Variants in JPH2 observed in about 807,000 individuals in gnomAD.
JPH2 encodes the protein junctophilin-2.
A neutral mutation model predicts 55.9 loss-of-function variants in JPH2; 38 were observed. The observed-to-expected ratio is 0.68, with a 90% CI of 0.52 to 0.89. The LOEUF (loss-of-function observed/expected upper bound fraction) is 0.89, where lower values mean the gene tolerates loss of function less well. JPH2 is among the 40% of genes least tolerant of loss of function. JPH2 has a pLI of 0.00. For synonymous variants in JPH2, 480 were observed against 472.4 expected (o/e 1.02, Z -0.21); for missense variants, 964 against 1,037.6 (o/e 0.93, Z 0.97).
intron 2 of JPH2, among the ~76,000 whole-genome samples, chr20:44,119,648 C>T (rs1043223447): frequency 6.6e-6 from 1 of 152,018 alleles, no homozygotes; most frequent in East Asian, 1.9e-4. Flanking sequence ...CCAAGGCAGG[C>T]GGATCACGAG....
intron 1 of JPH2, among the ~76,000 whole-genome samples, chr20:44,170,890 CT>C (rs1454166549): frequency 6.6e-6 from 1 of 152,214 alleles, no homozygotes; most frequent in African/African-American, 2.4e-5. Context: ...TTAAATGACT[CT>C]CATGATGACG....
At chr20:44,138,520 TAC>T (rs2072433299) in intron 2 of JPH2, among the ~76,000 whole-genome samples, 3 of 152,008 alleles carry the variant, frequency 2.0e-5, no homozygotes, top group Non-Finnish European at 4.4e-5. Flanking sequence ...CACCTGGGAC[TAC>T]AGGTGAGCAC....
At position 44,159,559 on chromosome 20, in the gene JPH2, C is replaced by T. The variant is rs146277892; in HGVS notation, c.1169+59G>A. ...AGACAGGGCCTCCTAGGTTGCCCTGCCCCAGGACCCCCTTCTCCGAGGGGA... is the reference window on the plus strand; with the variant it reads ...AGACAGGGCCTCCTAGGTTGCCCTGTCCCAGGACCCCCTTCTCCGAGGGGA... On this transcript the variant is annotated intron_variant, in intron 2 of 5. Coordinates refer to ENST00000372980, the MANE Select transcript of JPH2 (RefSeq NM_020433.5). This position sits in a 1 kb window ranked among gnomAD's most constrained non-coding sequence, Gnocchi z 5.7. The T allele has an allele frequency of 1.6e-4, 242 of 1,529,158 alleles. 2 individuals are homozygous for T. In the East Asian group the frequency reaches 1.9e-3, roughly 12 times the overall value. 94.7% of individuals were successfully genotyped at this position (1,529,158 alleles called of 1,614,324 possible).
chr20:44,179,307 G>A (rs1172884072), intron 1 of JPH2, among the ~76,000 whole-genome samples: 1 of 152,082 alleles, frequency 6.6e-6, no homozygotes, highest in Admixed American at 6.5e-5. Context: ...GATGTGTATA[G>A]GTATAGAATT....
intron 2 of JPH2, among the ~76,000 whole-genome samples, chr20:44,156,861 A>T (rs1371258818): frequency 1.3e-5 from 2 of 152,216 alleles, no homozygotes; most frequent in African/African-American, 4.8e-5. Flanking sequence ...TGTTTTAAGA[A>T]AATCACCCAT....
intron 2 of JPH2, among the ~76,000 whole-genome samples, chr20:44,156,178 T>C (rs1357173877): frequency 6.6e-6 from 1 of 152,154 alleles, no homozygotes; most frequent in Non-Finnish European, 1.5e-5. Context: ...AAGACATTGA[T>C]GGAAAAACTA....
intron 2 of JPH2, among the ~76,000 whole-genome samples, chr20:44,147,326 C>A (rs2072500126): frequency 6.6e-6 from 1 of 152,140 alleles, no homozygotes; most frequent in Non-Finnish European, 1.5e-5. Context: ...CACTGGTGAT[C>A]AAGAAAACAT....
chr20:44,142,367 C>T (rs2145864489), intron 2 of JPH2, among the ~76,000 whole-genome samples: 1 of 152,296 alleles, frequency 6.6e-6, no homozygotes, highest in Non-Finnish European at 1.5e-5. Context: ...GATTGTACAA[C>T]ATTGCCATCC....
At chr20:44,118,014 C>A (rs143809634) in intron 3 of JPH2, among the ~76,000 whole-genome samples, 2 of 152,344 alleles carry the variant, frequency 1.3e-5, no homozygotes, top group African/African-American at 4.8e-5. Context: ...GCAGCGGAAT[C>A]AGGGTTTGAA....
chr20:44,168,110 C>T (rs1255411777), intron 1 of JPH2, among the ~76,000 whole-genome samples: 1 of 151,948 alleles, frequency 6.6e-6, no homozygotes, highest in African/African-American at 2.4e-5. Context: ...TTCAATAAAC[C>T]CTAGATTTTT....
intron 2 of JPH2, among the ~76,000 whole-genome samples, chr20:44,133,437 G>A (rs1305414031): frequency 2.0e-5 from 3 of 152,052 alleles, no homozygotes; most frequent in African/African-American, 4.8e-5. Context: ...TATGTCCACT[G>A]AATAGGGAAA....
chr20:44,176,318 CTT>C (rs58088590), intron 1 of JPH2, among the ~76,000 whole-genome samples: 16 of 113,642 alleles, frequency 1.4e-4, no homozygotes, highest in African/African-American at 4.6e-4. Flanking sequence ...TCCTATCTGT[CTT>C]TTTTTTTTTT....
At chr20:44,177,209 A>T in intron 1 of JPH2, 1 of 985,498 alleles carries the variant, frequency 1.0e-6, no homozygotes. Context: ...AACAAGGATA[A>T]CCCTCCAAGG....
In JPH2 at chr20:44,115,653, C is replaced by A. The variant is rs776141971; in HGVS notation, c.2010+12G>T. 6.2e-7 allele frequency: 1 copy of A among 1,612,106 alleles called. No individual in the cohort carries two copies. Among genetic ancestry groups the A allele is most frequent in the South Asian group, 1.1e-5 (1 of 90,994 alleles). ...AACCCGACCTTAGGCACACCTTGCC[C>A]GACAGCCTCACCTCTTCCACCTCCA... On this transcript the variant is annotated intron_variant, in intron 4 of 5. Transcript: ENST00000372980.
rs749600872 is a variant in JPH2, at chr20:44,115,726, G to T, written c.1949C>A (p.Ala650Asp). The part of the protein sequence containing the change: ...TEARGLTKAG[A>D]KKKARKEAAL... ...GGCCTCCTTCCGCGCCTTCTTCTTG[G>T]CCCCCGCCTTGGTCAGCCCTCGAGC... Residue 650 changes from alanine (A) to aspartate (D), a missense_variant, in exon 4 of 6, where the codon GCC becomes GAC. Transcript: ENST00000372980. 4 of 1,613,306 alleles carry T rather than the reference G, an allele frequency of 2.5e-6. No individual in the cohort carries two copies. The highest frequency in any genetic ancestry group is 2.7e-5 in the African/African-American group (2 of 74,900).
At chr20:44,147,262 C>T (rs1320261493) in intron 2 of JPH2, among the ~76,000 whole-genome samples, 2 of 152,192 alleles carry the variant, frequency 1.3e-5, no homozygotes, top group Non-Finnish European at 1.5e-5. Flanking sequence ...TGGGCCATTC[C>T]TTTAATCAGC....
At chr20:44,118,088 G>C (rs2072207110) in intron 3 of JPH2, among the ~76,000 whole-genome samples, 1 of 152,130 alleles carries the variant, frequency 6.6e-6, no homozygotes, top group Non-Finnish European at 1.5e-5. Flanking sequence ...TGCTCCCCTA[G>C]ATTTTGGAAC....
chr20:44,185,469 A>T (rs111625691), intron 1 of JPH2, among the ~76,000 whole-genome samples: 3 of 149,756 alleles, frequency 2.0e-5, no homozygotes, highest in Non-Finnish European at 3.0e-5. Flanking sequence ...ACAAAAAAAA[A>T]AATAATAATA....
At chr20:44,158,709 T>TG (rs150996975) in intron 2 of JPH2, among the ~76,000 whole-genome samples, 11 of 151,652 alleles carry the variant, frequency 7.3e-5, no homozygotes, top group Non-Finnish European at 1.3e-4. Context: ...GATGGATAGG[T>TG]GGGGGAGGTT....
Sources: gnomAD v4.1 joint callset for allele counts (sites outside exome capture counted in the v4.1 genomes callset) on GRCh38, gnomAD v4.1.1 for gene constraint, Gnocchi (gnomAD v3.1) non-coding constraint, MANE v1.5 for transcripts, NCBI Gene and HGNC (gene_info 2026-07-23, HGNC 2026-07-21) for gene names.